Variants in VPS13B observed in about 807,000 individuals in gnomAD.
VPS13B encodes the protein intermembrane lipid transfer protein VPS13B.
A neutral mutation model predicts 426.4 loss-of-function variants in VPS13B; 285 were observed. That is an observed-to-expected ratio of 0.67 (90% CI 0.61 to 0.74). VPS13B has a LOEUF of 0.74. VPS13B is among the 30% of genes least tolerant of loss of function. VPS13B has a pLI of 0.00. For missense variants in VPS13B, 4,537 were observed against 4,782.6 expected (o/e 0.95, Z 1.51); for synonymous variants, 1,676 against 1,676.4 (o/e 1.00, Z 0.01).
At chr8:99,545,092 G>C (rs563043361) in intron 30 of VPS13B, among the ~76,000 whole-genome samples, 36 of 152,058 alleles carry the variant, frequency 2.4e-4, no homozygotes, top group Non-Finnish European at 3.2e-4. Context: ...ACCTTCCTCT[G>C]TTCTGTACCT....
intron 24 of VPS13B, among the ~76,000 whole-genome samples, chr8:99,474,389 G>A (rs1819583275): frequency 6.6e-6 from 1 of 151,732 alleles, no homozygotes; most frequent in Admixed American, 6.6e-5. Context: ...GGTTTCACCT[G>A]TTGACCAGGC....
At chr8:99,577,441 C>G in intron 32 of VPS13B, 49 bp from the exon 33 acceptor site, 2 of 1,608,914 alleles carry the variant, frequency 1.2e-6, no homozygotes, top group Non-Finnish European at 1.7e-6. Context: ...AAATTATCAT[C>G]TGAAAGCTAT....
chr8:99,351,180 A>C (rs926353631), intron 19 of VPS13B, among the ~76,000 whole-genome samples: 3 of 152,154 alleles, frequency 2.0e-5, no homozygotes, highest in African/African-American at 4.8e-5. Context: ...ACCTAAATGT[A>C]TCTTTTCTCT....
intron 43 of VPS13B, among the ~76,000 whole-genome samples, chr8:99,799,382 T>G (rs1813013033): frequency 6.6e-6 from 1 of 152,172 alleles, no homozygotes; most frequent in African/African-American, 2.4e-5. Flanking sequence ...ATAAAATGAG[T>G]TAGGACAAGG....
chr8:99,390,862 C>T (rs1358047471), intron 20 of VPS13B, among the ~76,000 whole-genome samples: 1 of 152,178 alleles, frequency 6.6e-6, no homozygotes, highest in African/African-American at 2.4e-5. Flanking sequence ...TCAGTAACAT[C>T]AGACTTTATT....
chr8:99,449,811 AT>A (rs75316303), intron 23 of VPS13B, among the ~76,000 whole-genome samples: 8,711 of 148,976 alleles, frequency 0.058, 298 homozygotes, highest in African/African-American at 0.1. Flanking sequence ...CAGAAGAATG[AT>A]TTTTTTTTTT....
chr8:99,871,506 G>C lies in VPS13B; in HGVS notation c.11554G>C (p.Val3852Leu). The change falls in exon 61 of 62, where the codon GTG becomes CTG. Residue 3852 changes from valine (V) to leucine (L), a missense_variant. Val to Leu is a conservative substitution (Grantham distance 32). Transcript: ENST00000357162. ...CCACATGGCCCTGGACGTGGTTCTG[G>C]TGAGGGGCTCAGGCCAGGAGCATGA... ...EVHMALDVVL[V>L]RGSGQEHEGC... The C allele has an allele frequency of 6.2e-7, 1 of 1,614,236 alleles. No homozygotes were observed.
At chr8:99,216,545 G>A (rs192480949) in intron 17 of VPS13B, among the ~76,000 whole-genome samples, 229 of 151,804 alleles carry the variant, frequency 1.5e-3, no homozygotes, top group African/African-American at 5.1e-3. Context: ...AGGAGAATAG[G>A]GGAGTGCTAG....
In VPS13B at chr8:99,556,481, C is replaced by A. The variant is rs954564707; in HGVS notation, c.4777C>A (p.Pro1593Thr). Residue 1593 changes from proline (P) to threonine (T), a missense_variant, in exon 31 of 62, where the codon CCT becomes ACT. By Grantham distance (38) the Pro-to-Thr change is conservative. Coordinates refer to ENST00000357162, the MANE Select transcript of VPS13B (RefSeq NM_152564.5). ...CTTGAACTTAGGAATTCTTCGAGATCCTGGATCAGAAATCGAAGACAGACA... is the reference window on the plus strand; with the variant it reads ...CTTGAACTTAGGAATTCTTCGAGATACTGGATCAGAAATCGAAGACAGACA... ...RALNLGILRD[P>T]GSEIEDRQYQ... 4 of 1,612,852 alleles carry A rather than the reference C, an allele frequency of 2.5e-6. No homozygotes were observed. The African/African-American group carries it at 5.3e-5, about 22-fold the overall frequency.
chr8:99,078,865 C>A (rs1388142841), intron 3 of VPS13B, among the ~76,000 whole-genome samples: 1 of 151,886 alleles, frequency 6.6e-6, no homozygotes, highest in Admixed American at 6.6e-5. Context: ...GCAAACTGAG[C>A]AAGTTGGTAT....
At chr8:99,081,056 CT>C (rs1459301540) in intron 3 of VPS13B, among the ~76,000 whole-genome samples, 1 of 152,168 alleles carries the variant, frequency 6.6e-6, no homozygotes, top group African/African-American at 2.4e-5. Context: ...TTCTGACACC[CT>C]TTATACATAA....
chr8:99,055,768 C>G (rs1843813096), intron 3 of VPS13B, among the ~76,000 whole-genome samples: 1 of 151,896 alleles, frequency 6.6e-6, no homozygotes, highest in Admixed American at 6.6e-5. Context: ...CTTACTTTGT[C>G]ACCCAAGCTG....
At chr8:99,087,607 G>GTT (rs1338883448) in intron 3 of VPS13B, among the ~76,000 whole-genome samples, 30 of 145,562 alleles carry the variant, frequency 2.1e-4, no homozygotes, top group African/African-American at 5.9e-4. Context: ...TCCACCCACT[G>GTT]TTTTTTTGTT....
intron 44 of VPS13B, among the ~76,000 whole-genome samples, chr8:99,812,787 GAT>G (rs1813787195): frequency 6.6e-6 from 1 of 152,098 alleles, no homozygotes; most frequent in Non-Finnish European, 1.5e-5. Flanking sequence ...TCATGTTTAA[GAT>G]ATCGTTTTCC....
chr8:99,577,581 A>G lies in VPS13B; in HGVS notation c.5168A>G (p.Gln1723Arg). The G allele has an allele frequency of 2.5e-6, 4 of 1,613,876 alleles. No individual in the cohort carries two copies. Among genetic ancestry groups the G allele is most frequent in the Non-Finnish European group, 2.5e-6 (3 of 1,179,778 alleles). ...LSVAQVQLLH[Q>R]LIVANMTGLE... is the part of the protein sequence containing the mutation. The stretch of plus-strand genomic sequence containing the variant: ...GTGGCTCAAGTTCAACTCTTACATC[A>G]GTTAATAGTAGCAAATATGACTGGA... Residue 1723 changes from glutamine to arginine, a missense_variant, in exon 33 of 62, where the codon CAG (glutamine) becomes CGG (arginine). By Grantham distance (43) the Gln-to-Arg change is conservative (BLOSUM62 1). This residue lies in a region of VPS13B where 4,311 missense variants were observed against 4,474.3 expected (regional missense o/e 0.96). Coordinates refer to ENST00000357162, the MANE Select transcript of VPS13B (RefSeq NM_152564.5).
chr8:99,467,329 A>T, intron 23 of VPS13B, 85 bp from the exon 24 acceptor site: 2 of 1,351,532 alleles, frequency 1.5e-6, no homozygotes, highest in Non-Finnish European at 2.1e-6. Context: ...CATAAATGTT[A>T]AATGTTTTAC....
chr8:99,783,287 CATT>C (rs1016800957), intron 42 of VPS13B, among the ~76,000 whole-genome samples: 1 of 152,124 alleles, frequency 6.6e-6, no homozygotes, highest in African/African-American at 2.4e-5. Context: ...GACATTTTGA[CATT>C]ATTTAGATCC....
intron 19 of VPS13B, among the ~76,000 whole-genome samples, chr8:99,370,517 A>G (rs1019471148): frequency 2.0e-5 from 3 of 152,038 alleles, no homozygotes; most frequent in Admixed American, 6.5e-5. Flanking sequence ...AGATTGGTAA[A>G]GCAGTGTTTA....
chr8:99,391,532 AG>A (rs1563704286), intron 20 of VPS13B, 24 bp from the exon 21 acceptor site: 17 of 1,614,058 alleles, frequency 1.1e-5, no homozygotes, highest in Non-Finnish European at 1.3e-5. Flanking sequence ...AAAACTAAAA[AG>A]GTTTTCATTT....
Sources: gnomAD v4.1 joint callset for allele counts (sites outside exome capture counted in the v4.1 genomes callset) on GRCh38, gnomAD v4.1.1 for gene constraint, gnomAD v4.1.1 regional missense constraint, MANE v1.5 for transcripts, NCBI Gene and HGNC (gene_info 2026-07-23, HGNC 2026-07-21) for gene names.